Variants in BMPR2 observed in about 807,000 individuals in gnomAD.
The protein encoded by BMPR2 is bone morphogenetic protein receptor type 2, also known as bone morphogenetic protein receptor type-2.
Under a neutral mutation model 100.8 loss-of-function variants are expected in BMPR2, and 29 were observed. The ratio of observed to expected loss-of-function variants is 0.29; its 90% CI spans 0.21 to 0.39. The LOEUF (loss-of-function observed/expected upper bound fraction) is 0.39. Ranked by LOEUF, BMPR2 falls within the 10% of genes least tolerant of loss-of-function variation. The probability of loss-of-function intolerance (pLI) is 1.00; values close to 1 mark genes in which losing one functional copy is unlikely to be tolerated. For synonymous variants in BMPR2, 382 were observed against 442.3 expected (o/e 0.86, Z 1.71); for missense variants, 1,011 against 1,274.5 (o/e 0.79, Z 3.15).
chr2:202,547,442 T>C (rs1391010093), intron 10 of BMPR2, among the ~76,000 whole-genome samples: 2 of 152,200 alleles, frequency 1.3e-5, no homozygotes, highest in Admixed American at 6.6e-5. Flanking sequence ...TAGTTTTGTA[T>C]AACCTCTTGT....
chr2:202,521,802 C>T (rs1013521643), intron 7 of BMPR2, among the ~76,000 whole-genome samples: 1 of 152,016 alleles, frequency 6.6e-6, no homozygotes, highest in Non-Finnish European at 1.5e-5. Flanking sequence ...CTTCCCTGTA[C>T]TTTGTGATGA....
intron 1 of BMPR2, among the ~76,000 whole-genome samples, chr2:202,389,262 T>C (rs1690496445): frequency 6.6e-6 from 1 of 151,854 alleles, no homozygotes; most frequent in Non-Finnish European, 1.5e-5. Context: ...GTGTGGTGGC[T>C]CAGGGCTGTA....
intron 1 of BMPR2, among the ~76,000 whole-genome samples, chr2:202,430,960 CAA>C (rs781320204): frequency 5.0e-5 from 5 of 99,954 alleles, no homozygotes; most frequent in Admixed American, 1.0e-4. Context: ...ACTCTGTCTC[CAA>C]AAAAAAAAAA....
intron 1 of BMPR2, among the ~76,000 whole-genome samples, chr2:202,414,258 C>T (rs1691077598): frequency 6.6e-6 from 1 of 152,140 alleles, no homozygotes. Flanking sequence ...TTTTGGGGCA[C>T]CAGGAACCAC....
intron 3 of BMPR2, among the ~76,000 whole-genome samples, chr2:202,479,733 A>T (rs1361955493): frequency 6.6e-6 from 1 of 151,892 alleles, no homozygotes; most frequent in Non-Finnish European, 1.5e-5. Context: ...TTTTCTTTTC[A>T]TTTCCAATTT....
chr2:202,535,061 A>ACCCCCCCACCTCCCTCCCGGACG (rs1345583314), intron 9 of BMPR2, among the ~76,000 whole-genome samples: 4 of 53,088 alleles, frequency 7.5e-5, no homozygotes, highest in African/African-American at 1.5e-4. Context: ...CCTCCCGGAC[A>ACCCCCCCACCTCCCTCCCGGACG]GGTCGGCTGG....
rs1045460153 is a variant in BMPR2 at position 202,547,790 on chromosome 2, A to AC, written c.1414-4926_1414-4925insC. 8.7e-5 allele frequency among the ~76,000 whole-genome samples: 13 copies of AC among 149,540 alleles called. 1 individual carries two copies. The East Asian group carries it at 1.6e-3, about 18-fold the overall frequency. ...AGAGCAAGATCCATCACAAAAAAAA[A>AC]AAAAAAAAAAAGGCCAGGCACGGCA... On this transcript the variant is annotated intron_variant, in intron 10 of 12. Coordinates refer to ENST00000374580, the MANE Select transcript of BMPR2 (RefSeq NM_001204.7).
intron 1 of BMPR2, among the ~76,000 whole-genome samples, chr2:202,411,076 C>T (rs1691005351): frequency 6.6e-6 from 1 of 151,950 alleles, no homozygotes; most frequent in African/African-American, 2.4e-5. Flanking sequence ...CAAGAATCAA[C>T]CAATGGATGC....
intron 1 of BMPR2, among the ~76,000 whole-genome samples, chr2:202,441,823 A>C (rs1214921727): frequency 6.7e-6 from 1 of 149,994 alleles, no homozygotes; most frequent in Non-Finnish European, 1.5e-5. Context: ...ACCTGAGGTC[A>C]GGAGTTCGAG....
chr2:202,440,554 C>T (rs1160609079), intron 1 of BMPR2, among the ~76,000 whole-genome samples: 1 of 150,728 alleles, frequency 6.6e-6, no homozygotes, highest in Non-Finnish European at 1.5e-5. Context: ...TCCTCACTTC[C>T]CAGACGGGGT....
At chr2:202,490,714 A>G (rs1692882749) in intron 3 of BMPR2, among the ~76,000 whole-genome samples, 1 of 152,246 alleles carries the variant, frequency 6.6e-6, no homozygotes, top group South Asian at 2.1e-4. Context: ...AAATATGTAC[A>G]GGGAGAAAGA....
chr2:202,426,568 CAAA>C (rs35528511), intron 1 of BMPR2, among the ~76,000 whole-genome samples: 4 of 58,064 alleles, frequency 6.9e-5, no homozygotes, highest in South Asian at 1.3e-3. Context: ...GTCTCCGTCT[CAAA>C]AAAAAAAAAA....
intron 1 of BMPR2, among the ~76,000 whole-genome samples, chr2:202,405,656 C>G (rs112757487): frequency 0.16 from 23,608 of 143,748 alleles, 2,294 homozygotes; most frequent in Middle Eastern, 0.24. Context: ...CCATTGCACT[C>G]CAGCCTGAGC....
At chr2:202,408,448 A>G (rs1344842393) in intron 1 of BMPR2, among the ~76,000 whole-genome samples, 1 of 152,156 alleles carries the variant, frequency 6.6e-6, no homozygotes, top group Non-Finnish European at 1.5e-5. Context: ...TTTCATTATC[A>G]CCAGATCTTG....
intron 9 of BMPR2, among the ~76,000 whole-genome samples, chr2:202,536,049 G>C (rs1181389068): frequency 6.6e-6 from 1 of 152,092 alleles, no homozygotes; most frequent in African/African-American, 2.4e-5. Context: ...GGCTCGGCAT[G>C]AGAGGGAGAC....
intron 1 of BMPR2, among the ~76,000 whole-genome samples, chr2:202,382,058 G>GTTTTTTTTTTTT (rs1216592236): frequency 4.3e-4 from 49 of 113,626 alleles, no homozygotes; most frequent in East Asian, 1.3e-3. Context: ...TTTTGTTTTT[G>GTTTTTTTTTTTT]TTTTTTTTTT....
chr2:202,549,746 CAA>C (rs34226687), intron 10 of BMPR2, among the ~76,000 whole-genome samples: 8 of 119,440 alleles, frequency 6.7e-5, no homozygotes, highest in Admixed American at 8.5e-5. Flanking sequence ...GACTCTGTCT[CAA>C]AAAAAAAAAA....
Position 202,377,495 on chromosome 2 carries a change from G to A in BMPR2, c.21G>A (p.Arg7=), listed in dbSNP as rs933516159. ...CAGGGATGACTTCCTCGCTGCAGCG[G>A]CCCTGGCGGGTGCCCTGGCTACCAT... MTSSLQ[R]PWRVPWLPWT... Residue 7 remains arginine (R), a synonymous_variant, in exon 1 of 13, where the codon CGG becomes CGA. Transcript: ENST00000374580. 6.2e-7 allele frequency: 1 copy of A among 1,614,252 alleles called. No individual in the cohort carries two copies. Among genetic ancestry groups the A allele is most frequent in the African/African-American group, 1.3e-5 (1 of 75,076 alleles).
At chr2:202,444,897 T>G (rs771995256) in intron 1 of BMPR2, among the ~76,000 whole-genome samples, 2 of 150,688 alleles carry the variant, frequency 1.3e-5, no homozygotes, top group Non-Finnish European at 1.5e-5. Flanking sequence ...CAAGCAATTC[T>G]CGTGCCTCAG....
Sources: gnomAD v4.1 joint callset for allele counts (sites outside exome capture counted in the v4.1 genomes callset) on GRCh38, gnomAD v4.1.1 for gene constraint, MANE v1.5 for transcripts, NCBI Gene and HGNC (gene_info 2026-07-23, HGNC 2026-07-21) for gene names.